STON2: variants seen among roughly 807,000 people sequenced by gnomAD.
STON2 encodes the protein stonin 2.
In STON2, 29 loss-of-function variants were observed where a neutral mutation model predicts 65.7. The ratio of observed to expected loss-of-function variants is 0.44; its 90% CI spans 0.33 to 0.60. The LOEUF is 0.60. STON2 is among the 20% of genes least tolerant of loss of function. The probability of loss-of-function intolerance (pLI) is 0.03; values close to 1 mark genes in which losing one functional copy is unlikely to be tolerated. For missense variants in STON2, 1,054 were observed against 1,118.1 expected, an observed-to-expected ratio of 0.94 and a Z score of 0.82; for synonymous variants, 404 against 414.2, an observed-to-expected ratio of 0.98 and a Z score of 0.30.
chr14:81,313,907 G>T (rs1896528860), intron 5 of STON2, among the ~76,000 whole-genome samples: 1 of 151,974 alleles, frequency 6.6e-6, no homozygotes, highest in Admixed American at 6.6e-5. Context: ...AGATTTATTA[G>T]GGAACATACT....
chr14:81,345,548 G>A (rs1897778709), intron 4 of STON2, among the ~76,000 whole-genome samples: 1 of 152,104 alleles, frequency 6.6e-6, no homozygotes, highest in Non-Finnish European at 1.5e-5. Context: ...GATGGCTGGG[G>A]CCCAGGAGTT....
At chr14:81,288,310 CATAG>C (rs763978059) in intron 5 of STON2, among the ~76,000 whole-genome samples, 5 of 152,102 alleles carry the variant, frequency 3.3e-5, no homozygotes, top group African/African-American at 7.2e-5. Context: ...GTGGGAACAT[CATAG>C]ATAGAGTGTA....
rs529502206 is a variant in STON2 at position 81,429,889 on chromosome 14, C to T, written c.-309-2677G>A. 3.0e-4 allele frequency among the ~76,000 whole-genome samples: 45 copies of T among 151,504 alleles called. 2 individuals are homozygous for T. The East Asian group carries it at 7.4e-3, about 25-fold the overall frequency. On this transcript the variant is annotated intron_variant, in intron 1 of 8. Transcript: ENST00000553821. ...GGCGGAGGTTGCAGTGAGCTGAGAT[C>T]GCGCCACTGCACTCCGGCCTGGGTG...
chr14:81,264,486 G>C lies in STON2; in HGVS notation c.*3928C>G. 1.0e-6 allele frequency: 1 copy of C among 985,324 alleles called. No homozygotes were observed. Among genetic ancestry groups the C allele is most frequent in the Non-Finnish European group, 1.2e-6 (1 of 829,922 alleles). 61.0% of individuals were successfully genotyped at this position (985,324 alleles called of 1,614,324 possible). On this transcript the variant is annotated 3_prime_UTR_variant, in exon 8 of 8. Coordinates refer to ENST00000614646, the MANE Select transcript of STON2 (RefSeq NM_001394390.1). Reference sequence around the variant, plus strand: ...GTTTGCCCTCCTGGCAAGCATTTAAGGTGGCTGAACCCTATTATATTCCAA... The same window carrying C: ...GTTTGCCCTCCTGGCAAGCATTTAACGTGGCTGAACCCTATTATATTCCAA...
At chr14:81,417,092 A>G (rs1335975575) in intron 2 of STON2, among the ~76,000 whole-genome samples, 1 of 151,674 alleles carries the variant, frequency 6.6e-6, no homozygotes, top group Admixed American at 6.6e-5. Context: ...TGAACTGCCA[A>G]CTCCCCTCAA....
At chr14:81,365,460 A>G (rs1450324642) in intron 4 of STON2, among the ~76,000 whole-genome samples, 1 of 152,222 alleles carries the variant, frequency 6.6e-6, no homozygotes, top group Admixed American at 6.5e-5. Context: ...TTTCTTATGC[A>G]TAAAAGAGAG....
chr14:81,267,426 T>C lies in STON2; in HGVS notation c.*988A>G. 3 of 985,408 alleles carry C rather than the reference T, an allele frequency of 3.0e-6. No homozygotes were observed. The highest frequency in any genetic ancestry group is 3.6e-6 in the Non-Finnish European group (3 of 829,908). 61.0% of individuals were successfully genotyped at this position (985,408 alleles called of 1,614,324 possible). Reference sequence around the variant, plus strand: ...CAGCTTTAAAAATTATCTTTGCAGCTTAAATTTCCTATAAAGTTGGGTTAA... The same window carrying C: ...CAGCTTTAAAAATTATCTTTGCAGCCTAAATTTCCTATAAAGTTGGGTTAA... On this transcript the variant is annotated 3_prime_UTR_variant, in exon 8 of 8. Coordinates refer to ENST00000614646, the MANE Select transcript of STON2 (RefSeq NM_001394390.1).
At chr14:81,334,922 G>C (rs965400196) in intron 4 of STON2, among the ~76,000 whole-genome samples, 1 of 151,960 alleles carries the variant, frequency 6.6e-6, no homozygotes, top group South Asian at 2.1e-4. Context: ...ACTGCAACCT[G>C]TATCTCCCAG....
Position 81,355,486 on chromosome 14 carries a change from T to C in STON2, c.571+15502A>G, listed in dbSNP as rs567440456. Among the ~76,000 whole-genome samples the C allele has an allele frequency of 4.6e-5, 7 of 152,228 alleles. No individual in the cohort carries two copies. The South Asian group carries it at 1.0e-3, about 23-fold the overall frequency. On this transcript the variant is annotated intron_variant, in intron 4 of 7. Coordinates refer to ENST00000614646, the MANE Select transcript of STON2 (RefSeq NM_001394390.1). ...TAGGTCTGGAGAGAATGAGATGATA[T>C]ATTCAAAGTGCAGAAGGAAAAAAGA...
At chr14:81,308,247 C>T (rs1284551373) in intron 5 of STON2, among the ~76,000 whole-genome samples, 1 of 152,040 alleles carries the variant, frequency 6.6e-6, no homozygotes, top group Non-Finnish European at 1.5e-5. Context: ...GCTCTGTCAC[C>T]CAGGCTGGAG....
Position 81,268,038 on chromosome 14 carries a change from G to C in STON2, c.*376C>G. ...TGCGAGTGACAGATGAACATCAGAA[G>C]GCAATCGTGCTAACACTGATGTGGG... On this transcript the variant is annotated 3_prime_UTR_variant, in exon 8 of 8. Transcript: ENST00000614646. The C allele has an allele frequency of 1.0e-6, 1 of 987,664 alleles. No homozygotes were observed. Among genetic ancestry groups the C allele is most frequent in the Non-Finnish European group, 1.2e-6 (1 of 831,500 alleles). The allele number at this position is 987,664 out of a possible 1,614,324, so 61.2% of individuals were successfully genotyped here. A position where few individuals can be genotyped will look rare whatever the true frequency, so the allele number is the denominator to read the frequency against.
At chr14:81,343,233 GC>G (rs968882105) in intron 4 of STON2, among the ~76,000 whole-genome samples, 4 of 152,126 alleles carry the variant, frequency 2.6e-5, no homozygotes, top group Non-Finnish European at 5.9e-5. Context: ...AGTGAAAAAT[GC>G]CCCCCAATCC....
intron 2 of STON2, among the ~76,000 whole-genome samples, chr14:81,426,758 A>G (rs1901994367): frequency 6.6e-6 from 1 of 152,204 alleles, no homozygotes; most frequent in African/African-American, 2.4e-5. Context: ...GGCAGTTTAC[A>G]TACATATTTC....
chr14:81,409,723 A>G (rs1901057866), intron 2 of STON2, among the ~76,000 whole-genome samples: 1 of 152,118 alleles, frequency 6.6e-6, no homozygotes, highest in Admixed American at 6.5e-5. Context: ...TCCTGACTCT[A>G]TAAATTCTGC....
At chr14:81,288,974 G>A (rs1021192466) in intron 5 of STON2, among the ~76,000 whole-genome samples, 3 of 150,294 alleles carry the variant, frequency 2.0e-5, no homozygotes, top group African/African-American at 7.6e-5. Context: ...CTGTGACCAG[G>A]ACAGGTGACT....
intron 7 of STON2, chr14:81,269,839 C>A (rs1350152627): frequency 1.3e-5 from 13 of 985,264 alleles, no homozygotes; most frequent in Admixed American, 6.2e-5. Flanking sequence ...TCAGAAAACT[C>A]CAACTTTTAT....
At chr14:81,401,455 T>G (rs1420996925), upstream of STON2, among the ~76,000 whole-genome samples, 1 of 152,054 alleles carries the variant, frequency 6.6e-6, no homozygotes, top group Non-Finnish European at 1.5e-5. Flanking sequence ...ATAAAATGGA[T>G]TTTAGGTATT....
chr14:81,433,816 G>A (rs927227116), intron 1 of STON2, among the ~76,000 whole-genome samples: 2 of 152,218 alleles, frequency 1.3e-5, no homozygotes, highest in East Asian at 1.9e-4. Context: ...TGGACATGCA[G>A]CATGAGAGGG....
At chr14:81,296,542 C>G (rs532440472) in intron 5 of STON2, among the ~76,000 whole-genome samples, 1 of 152,176 alleles carries the variant, frequency 6.6e-6, no homozygotes, top group African/African-American at 2.4e-5. Context: ...CCCTTTGCAG[C>G]TAGACACACA....
Sources: gnomAD v4.1 joint callset for allele counts (sites outside exome capture counted in the v4.1 genomes callset) on GRCh38, gnomAD v4.1.1 for gene constraint, MANE v1.5 for transcripts, NCBI Gene and HGNC (gene_info 2026-07-23, HGNC 2026-07-21) for gene names.